MECOM: variants seen among roughly 807,000 people sequenced by gnomAD.
MECOM encodes histone-lysine N-methyltransferase MECOM.
A neutral mutation model predicts 116.3 loss-of-function variants in MECOM; 13 were observed. That is an observed-to-expected ratio of 0.11 (90% CI 0.07 to 0.18). MECOM has a LOEUF of 0.18. Ranked by LOEUF, MECOM falls within the 10% of genes least tolerant of loss-of-function variation. The pLI is 1.00. For synonymous variants in MECOM, 528 were observed against 535.2 expected, an observed-to-expected ratio of 0.99 and a Z score of 0.19; for missense variants, 1,299 against 1,509.0, an observed-to-expected ratio of 0.86 and a Z score of 2.31.
chr3:169,108,000 A>G (rs1271062118), intron 9 of MECOM, 48 bp from the exon 10 acceptor site: 4 of 1,516,126 alleles, frequency 2.6e-6, no homozygotes, highest in Non-Finnish European at 3.7e-6. Context: ...CTGTGTTGGT[A>G]TCTTTATTGC....
At chr3:169,090,680 C>T (rs1048411027) in intron 14 of MECOM, among the ~76,000 whole-genome samples, 1 of 151,796 alleles carries the variant, frequency 6.6e-6, no homozygotes, top group African/African-American at 2.4e-5. Context: ...CCTAAAGTGA[C>T]TCTAAAAGTC....
chr3:169,647,250 A>G (rs1041771525), intron 1 of MECOM, among the ~76,000 whole-genome samples: 7 of 152,368 alleles, frequency 4.6e-5, no homozygotes, highest in African/African-American at 1.7e-4. Flanking sequence ...GCAAAGAACA[A>G]ACATGTCTCC....
At chr3:169,542,896 A>C (rs1760271299) in intron 1 of MECOM, among the ~76,000 whole-genome samples, 1 of 152,188 alleles carries the variant, frequency 6.6e-6, no homozygotes, top group Non-Finnish European at 1.5e-5. Flanking sequence ...AATAAACCAC[A>C]CGCAAGCCAT....
intron 2 of MECOM, among the ~76,000 whole-genome samples, chr3:169,177,000 G>C (rs145987160): frequency 1.3e-5 from 2 of 152,074 alleles, no homozygotes; most frequent in Non-Finnish European, 2.9e-5. Flanking sequence ...AAATAGAAAC[G>C]CTTTTACACT....
chr3:169,162,585 C>T (rs561282465), intron 2 of MECOM, among the ~76,000 whole-genome samples: 6 of 152,240 alleles, frequency 3.9e-5, no homozygotes, highest in African/African-American at 1.4e-4. Context: ...AACATATTTT[C>T]AACGTTCATT....
At chr3:169,440,847 C>G (rs1465911289) in intron 1 of MECOM, among the ~76,000 whole-genome samples, 1 of 152,008 alleles carries the variant, frequency 6.6e-6, no homozygotes, top group African/African-American at 2.4e-5. Context: ...ACCCAAGAGT[C>G]AAGTAATCAC....
chr3:169,414,046 A>T (rs1425061048), intron 1 of MECOM, among the ~76,000 whole-genome samples: 2 of 152,226 alleles, frequency 1.3e-5, no homozygotes, highest in Non-Finnish European at 2.9e-5. Flanking sequence ...GCTAAGGGGC[A>T]GACTGCCTCC....
intron 2 of MECOM, among the ~76,000 whole-genome samples, chr3:169,299,239 A>G (rs1051541630): frequency 2.6e-5 from 4 of 152,046 alleles, no homozygotes; most frequent in African/African-American, 9.7e-5. Context: ...TTGCAGACAG[A>G]TGGTTCAAAA....
intron 12 of MECOM, among the ~76,000 whole-genome samples, chr3:169,096,652 T>G (rs536100031): frequency 7.9e-5 from 12 of 152,056 alleles, no homozygotes; most frequent in Non-Finnish European, 1.8e-4. Context: ...AGGGCCCTTC[T>G]CCTCCCACTT....
chr3:169,333,281 C>G (rs1285670432), intron 2 of MECOM, among the ~76,000 whole-genome samples: 1 of 152,070 alleles, frequency 6.6e-6, no homozygotes. Flanking sequence ...GACCTGTTAA[C>G]CCCATCAACT....
intron 1 of MECOM, chr3:169,477,141 A>G (rs1459104141): frequency 1.9e-5 from 1 of 52,844 alleles, no homozygotes; most frequent in Non-Finnish European, 4.5e-5. Context: ...ATATATATAT[A>G]TATATATACA....
chr3:169,420,543 C>G (rs1212536739), intron 1 of MECOM, among the ~76,000 whole-genome samples: 1 of 152,112 alleles, frequency 6.6e-6, no homozygotes, highest in Non-Finnish European at 1.5e-5. Flanking sequence ...AAATAGCAAA[C>G]ATATTTCCTT....
chr3:169,327,813 TTAAA>T (rs1038780267), intron 2 of MECOM, among the ~76,000 whole-genome samples: 2 of 152,164 alleles, frequency 1.3e-5, no homozygotes, highest in African/African-American at 4.8e-5. Context: ...GATGTCTTTG[TTAAA>T]TAAATGTGTC....
Position 169,212,636 on chromosome 3 carries a change from GTATATATATATATATATATA to G in MECOM, c.376-68824_376-68805del, listed in dbSNP as rs61115570. Among the ~76,000 whole-genome samples the G allele has an allele frequency of 1.4e-3, 37 of 26,076 alleles. No individual in the cohort carries two copies. The South Asian group carries it at 0.033, about 23-fold the overall frequency. 17.1% of individuals were successfully genotyped at this position (26,076 alleles called of 152,430 possible). ...TAGTCTTGGTCTTCTAGTCAGCAAT[GTATATATATATATATATATA>G]TATATATATATATATATATATATAT... On this transcript the variant is annotated intron_variant, in intron 2 of 16. Coordinates refer to ENST00000651503, the MANE Select transcript of MECOM (RefSeq NM_004991.4).
At chr3:169,478,069 G>T (rs2108835417) in intron 1 of MECOM, among the ~76,000 whole-genome samples, 1 of 152,268 alleles carries the variant, frequency 6.6e-6, no homozygotes, top group South Asian at 2.1e-4. Context: ...GAGAATGAAA[G>T]ACAGGGAAGG....
At chr3:169,334,231 A>T (rs906166023) in intron 2 of MECOM, among the ~76,000 whole-genome samples, 2 of 152,082 alleles carry the variant, frequency 1.3e-5, no homozygotes, top group African/African-American at 4.8e-5. Flanking sequence ...CACCAATATC[A>T]TTGTTCTGGA....
At chr3:169,388,791 G>GCA (rs2108321907) in intron 1 of MECOM, among the ~76,000 whole-genome samples, 1 of 152,228 alleles carries the variant, frequency 6.6e-6, no homozygotes, top group Non-Finnish European at 1.5e-5. Context: ...ACATGGCTTG[G>GCA]CACTAGAATT....
At chr3:169,514,852 G>A (rs966261664) in intron 1 of MECOM, among the ~76,000 whole-genome samples, 1 of 152,170 alleles carries the variant, frequency 6.6e-6, no homozygotes, top group Non-Finnish European at 1.5e-5. Context: ...CTGAGAGCCA[G>A]TATAGTTTTA....
chr3:169,467,693 A>G (rs1748524479), intron 1 of MECOM, among the ~76,000 whole-genome samples: 2 of 152,150 alleles, frequency 1.3e-5, no homozygotes, highest in Non-Finnish European at 2.9e-5. Context: ...TTTGTTTTAT[A>G]TGTTCAGTGG....
Sources: gnomAD v4.1 joint callset for allele counts (sites outside exome capture counted in the v4.1 genomes callset) on GRCh38, gnomAD v4.1.1 for gene constraint, MANE v1.5 for transcripts, NCBI Gene and HGNC (gene_info 2026-07-23, HGNC 2026-07-21) for gene names.